The following RANBP2 variants were observed in gnomAD, a reference collection of about 807,000 sequenced individuals.
The protein encoded by RANBP2 is RAN binding protein 2.
In RANBP2, 57 loss-of-function variants were observed where a neutral mutation model predicts 303.6. The ratio of observed to expected loss-of-function variants is 0.19; its 90% CI spans 0.15 to 0.23. The LOEUF (loss-of-function observed/expected upper bound fraction) is 0.23. RANBP2 is among the 10% of genes least tolerant of loss of function. The probability of loss-of-function intolerance (pLI) is 1.00; values close to 1 mark genes in which losing one functional copy is unlikely to be tolerated. For synonymous variants in RANBP2, 1,167 were observed against 1,301.5 expected, an observed-to-expected ratio of 0.90 and a Z score of 2.23; for missense variants, 3,138 against 3,780.8, an observed-to-expected ratio of 0.83 and a Z score of 4.46.
At chr2:108,987,280 T>C in the RANBP2 span, among the ~76,000 whole-genome samples, 11 of 152,250 alleles carry the variant, frequency 7.2e-5, no homozygotes, top group African/African-American at 2.4e-4. Flanking sequence ...AGCTTCCATC[T>C]GTGGGCCTAT....
chr2:108,783,196 C>G (rs1326912941), intron 28 of RANBP2, among the ~76,000 whole-genome samples: 2 of 151,360 alleles, frequency 1.3e-5, no homozygotes. Context: ...CAAAAATTAG[C>G]CAGGTGTGGT....
chr2:108,848,105 T>C, the RANBP2 span, among the ~76,000 whole-genome samples: 2 of 152,156 alleles, frequency 1.3e-5, no homozygotes, highest in African/African-American at 4.8e-5. Context: ...TCAAATAATA[T>C]TAGTATCAAG....
At chr2:108,966,439 CAG>C in the RANBP2 span, among the ~76,000 whole-genome samples, 1 of 152,214 alleles carries the variant, frequency 6.6e-6, no homozygotes, top group Non-Finnish European at 1.5e-5. Flanking sequence ...TGACTCCTCA[CAG>C]GGCACAGGAA....
the RANBP2 span, among the ~76,000 whole-genome samples, chr2:109,265,101 A>C: frequency 0.26 from 39,044 of 151,764 alleles, 5,348 homozygotes; most frequent in East Asian, 0.48. Flanking sequence ...GACTTTGCCC[A>C]CTTGAGGCGT....
At chr2:109,564,259 G>A in the RANBP2 span, 2 of 1,040,178 alleles carry the variant, frequency 1.9e-6, no homozygotes, top group Non-Finnish European at 2.6e-6. Context: ...CTATATCATG[G>A]TTTTGGGAGA....
the RANBP2 span, among the ~76,000 whole-genome samples, chr2:109,006,730 C>G: frequency 6.6e-6 from 1 of 152,118 alleles, no homozygotes; most frequent in Non-Finnish European, 1.5e-5. Flanking sequence ...GCGCAGAGGC[C>G]CAACAGCCCT....
At chr2:109,241,710 C>T in the RANBP2 span, among the ~76,000 whole-genome samples, 3 of 152,028 alleles carry the variant, frequency 2.0e-5, no homozygotes, top group Non-Finnish European at 4.4e-5. Flanking sequence ...TCTTCTCTGG[C>T]TTCTGTATCT....
the RANBP2 span, among the ~76,000 whole-genome samples, chr2:109,590,331 G>A: frequency 6.6e-6 from 1 of 151,986 alleles, no homozygotes; most frequent in Non-Finnish European, 1.5e-5. Context: ...AGGTGTCTCT[G>A]AGAAGAGATT....
At chr2:109,455,492 C>A in the RANBP2 span, among the ~76,000 whole-genome samples, 1 of 151,502 alleles carries the variant, frequency 6.6e-6, no homozygotes, top group Non-Finnish European at 1.5e-5. Flanking sequence ...GTGCACCCAC[C>A]CATTAAATAT....
At chr2:109,600,167 G>C in the RANBP2 span, among the ~76,000 whole-genome samples, 1 of 152,298 alleles carries the variant, frequency 6.6e-6, no homozygotes, top group East Asian at 1.9e-4. Flanking sequence ...GATCCACACG[G>C]TTCTGCAGCT....
At chr2:109,015,786 T>A in the RANBP2 span, among the ~76,000 whole-genome samples, 3 of 152,006 alleles carry the variant, frequency 2.0e-5, no homozygotes, top group African/African-American at 7.3e-5. Context: ...AATAAAAAAA[T>A]AAAGAATACG....
the RANBP2 span, chr2:109,130,123 T>G: frequency 7.7e-7 from 1 of 1,291,886 alleles, no homozygotes; most frequent in Non-Finnish European, 9.8e-7. Context: ...GGTGAGTATC[T>G]GTCTCGGCGG....
chr2:109,075,878 A>G, the RANBP2 span, among the ~76,000 whole-genome samples: 1 of 150,546 alleles, frequency 6.6e-6, no homozygotes, highest in African/African-American at 2.4e-5. Flanking sequence ...GATTCAAAGA[A>G]TTATTAATAC....
the RANBP2 span, among the ~76,000 whole-genome samples, chr2:109,213,448 A>G: frequency 0.3 from 45,055 of 152,148 alleles, 7,666 homozygotes; most frequent in South Asian, 0.39. Flanking sequence ...CATCCAGGAC[A>G]CTTCCCCTTA....
chr2:109,318,333 GCC>G, the RANBP2 span, among the ~76,000 whole-genome samples: 4 of 152,038 alleles, frequency 2.6e-5, no homozygotes, highest in African/African-American at 9.7e-5. Context: ...CCGGCCCCCA[GCC>G]CGGTCCCCAG....
the RANBP2 span, among the ~76,000 whole-genome samples, chr2:109,577,889 G>A: frequency 6.8e-6 from 1 of 146,190 alleles, no homozygotes; most frequent in Non-Finnish European, 1.5e-5. Flanking sequence ...CTTAAGCCTG[G>A]GTGACGAAGT....
chr2:108,929,630 C>G, the RANBP2 span, among the ~76,000 whole-genome samples: 1 of 152,192 alleles, frequency 6.6e-6, no homozygotes, highest in Non-Finnish European at 1.5e-5. Flanking sequence ...ATGAATTCAG[C>G]GAGCTGCTGG....
At chr2:109,582,704 A>G in the RANBP2 span, among the ~76,000 whole-genome samples, 1 of 152,224 alleles carries the variant, frequency 6.6e-6, no homozygotes, top group African/African-American at 2.4e-5. Flanking sequence ...GAAACAAAAA[A>G]GAGACTGAAT....
the RANBP2 span, among the ~76,000 whole-genome samples, chr2:109,051,061 C>G: frequency 6.6e-6 from 1 of 152,188 alleles, no homozygotes. Flanking sequence ...TTATCCCATA[C>G]CATTCTGCTC....
Sources: gnomAD v4.1 joint callset for allele counts (sites outside exome capture counted in the v4.1 genomes callset) on GRCh38, gnomAD v4.1.1 for gene constraint, MANE v1.5 for transcripts, NCBI Gene and HGNC (gene_info 2026-07-23, HGNC 2026-07-21) for gene names.